Variants in COA5 observed in about 807,000 individuals in gnomAD.
COA5 encodes the protein protein C2orf64.
In COA5, 11 loss-of-function variants were observed where a neutral mutation model predicts 11.8. The ratio of observed to expected loss-of-function variants is 0.93; its 90% CI spans 0.59 to 1.54. The LOEUF is 1.54. Ranked by LOEUF, COA5 falls within the 40% of genes most tolerant of loss-of-function variation. The pLI is 0.00. For missense variants in COA5, 87 were observed against 89.2 expected, an observed-to-expected ratio of 0.97 and a Z score of 0.10; for synonymous variants, 38 against 37.5, an observed-to-expected ratio of 1.01 and a Z score of -0.05.
intron 2 of COA5, among the ~76,000 whole-genome samples, chr2:98,602,921 T>C (rs1435547638): frequency 1.3e-5 from 2 of 152,224 alleles, no homozygotes; most frequent in East Asian, 3.8e-4. Context: ...GTTTGCATTT[T>C]ACATGGGTAA....
intron 1 of COA5, 179 bp from the exon 2 acceptor site, chr2:98,604,370 T>C (rs1700683363): frequency 3.4e-6 from 2 of 591,892 alleles, no homozygotes; most frequent in South Asian, 2.0e-5. Context: ...AAAAAAAAAT[T>C]GTAAAGTAAC....
chr2:98,608,360 C>T lies in COA5; in HGVS notation c.46G>A (p.Gly16Ser). Reference sequence around the variant, plus strand: ...CACGCGCCCAGGTCCTCCTTCAGGCCCGCGCACGCGCCGCCCTGCGGCTTG... The same window carrying T: ...CACGCGCCCAGGTCCTCCTTCAGGCTCGCGCACGCGCCGCCCTGCGGCTTG... ...EDKPQGGACA[G>S]LKEDLGACLL... is the part of the protein sequence containing the mutation. Residue 16 changes from glycine to serine, a missense_variant, in exon 1 of 3, where the codon GGC (glycine) becomes AGC (serine). By Grantham distance (56) the Gly-to-Ser change is moderately conservative (BLOSUM62 0). Transcript: ENST00000328709. 1 of 1,609,930 alleles carries T rather than the reference C, an allele frequency of 6.2e-7. No homozygotes were observed. Among genetic ancestry groups the T allele is most frequent in the Non-Finnish European group, 8.5e-7 (1 of 1,178,926 alleles).
At chr2:98,604,577 G>T in intron 1 of COA5, 1 of 229,834 alleles carries the variant, frequency 4.4e-6, no homozygotes, top group Non-Finnish European at 8.7e-6. Context: ...TAACAAGGCA[G>T]GCTGGAATAC....
chr2:98,608,291 C>T lies in COA5; in HGVS notation c.99+16G>A. 1 of 1,569,920 alleles carries T rather than the reference C, an allele frequency of 6.4e-7. No homozygotes were observed. On this transcript the variant is annotated intron_variant, in intron 1 of 2. Transcript: ENST00000328709. Reference sequence around the variant, plus strand: ...GGACAGGGGTCGTCACCACCGGGAGCGCCCGGCCGCGCTACCTGGACCACA... The same window carrying T: ...GGACAGGGGTCGTCACCACCGGGAGTGCCCGGCCGCGCTACCTGGACCACA...
rs1445143220 is a variant in COA5, at chr2:98,600,465, T to C, written c.*287A>G. ...GAAGAGTCAAGTTTGCAAATAACAG[T>C]CTTTCCATTTTCTGTGCTTTAGAAC... On this transcript the variant is annotated 3_prime_UTR_variant, in exon 3 of 3. Coordinates refer to ENST00000328709, the MANE Select transcript of COA5 (RefSeq NM_001008215.3). The C allele has an allele frequency of 1.1e-5, 5 of 450,782 alleles. No individual in the cohort carries two copies. The highest frequency in any genetic ancestry group is 9.9e-5 in the African/African-American group (5 of 50,690). 27.9% of individuals were successfully genotyped at this position (450,782 alleles called of 1,614,324 possible).
chr2:98,599,458 T>TAC lies in COA5; in HGVS notation c.*1292_*1293dup, dbSNP rs1469555640. On this transcript the variant is annotated 3_prime_UTR_variant, in exon 3 of 3. Transcript: ENST00000328709. ...AAAAGTTAGATCACTTATATATATA[T>TAC]ACATTGAAAAAAACTATTATTGTCC... The TAC allele has an allele frequency of 6.6e-6, 1 of 152,156 alleles. No homozygotes were observed. The highest frequency in any genetic ancestry group is 2.4e-5 in the African/African-American group (1 of 41,448). The allele number at this position is 152,156 out of a possible 1,614,324, so 9.4% of individuals were successfully genotyped here.
chr2:98,607,616 A>G (rs1483587687), intron 1 of COA5, among the ~76,000 whole-genome samples: 3 of 152,190 alleles, frequency 2.0e-5, no homozygotes, highest in Admixed American at 2.0e-4. Context: ...GGGCCTCTGC[A>G]ATTGGAAAAG....
In COA5 at chr2:98,608,460, A is replaced by C. The variant is rs1700744762; in HGVS notation, c.-55T>G. ...ACTTTCTCCCACCGCAACACTTGCAACCGGGTCGGGAGCGAGCGAGGCCCC... is the reference window on the plus strand; with the variant it reads ...ACTTTCTCCCACCGCAACACTTGCACCCGGGTCGGGAGCGAGCGAGGCCCC... On this transcript the variant is annotated 5_prime_UTR_variant, in exon 1 of 3. Transcript: ENST00000328709. 2.2e-6 allele frequency: 3 copies of C among 1,374,602 alleles called. No individual in the cohort carries two copies. In the East Asian group the frequency reaches 7.4e-5, roughly 34 times the overall value. 85.2% of individuals were successfully genotyped at this position (1,374,602 alleles called of 1,614,324 possible). A position where few individuals can be genotyped will look rare whatever the true frequency, so the allele number is the denominator to read the frequency against.
chr2:98,608,391 A>C lies in COA5; in HGVS notation c.15T>G (p.Tyr5Ter), dbSNP rs745924754. 5 of 1,602,204 alleles carry C rather than the reference A, an allele frequency of 3.1e-6. No homozygotes were observed. Among genetic ancestry groups the C allele is most frequent in the Non-Finnish European group, 8.5e-7 (1 of 1,175,998 alleles). ...ACGCGCCGCCCTGCGGCTTGTCCTC[A>C]TAATACTTAGGCATGACGGCGCTTC... The part of the protein sequence containing the change: MPKY[Y>*]EDKPQGGACA... The change falls in exon 1 of 3, where the codon TAT (tyrosine) becomes TAG (stop). Residue 5 changes from tyrosine to a stop codon, truncating the protein, a stop_gained. Transcript: ENST00000328709. LOFTEE classifies it high-confidence loss of function.
In COA5 at chr2:98,600,237, A is replaced by T. The variant is rs1700623355; in HGVS notation, c.*515T>A. On this transcript the variant is annotated 3_prime_UTR_variant, in exon 3 of 3. Transcript: ENST00000328709. The stretch of plus-strand genomic sequence containing the variant: ...TGGACGCTATTAAAGTGCTGAGGTT[A>T]TTACTTCAGTGAATCAGAGCACAAA... 1 of 172,156 alleles carries T rather than the reference A, an allele frequency of 5.8e-6. No homozygotes were observed. The highest frequency in any genetic ancestry group is 1.3e-5 in the Non-Finnish European group (1 of 79,220). 10.7% of individuals were successfully genotyped at this position (172,156 alleles called of 1,614,324 possible).
At chr2:98,607,727 T>C (rs1214345834) in intron 1 of COA5, among the ~76,000 whole-genome samples, 2 of 152,204 alleles carry the variant, frequency 1.3e-5, no homozygotes, top group Admixed American at 6.5e-5. Context: ...GAGACCTGTG[T>C]CTGTAGCCGG....
intron 2 of COA5, 29 bp downstream of exon 2, chr2:98,604,079 T>C (rs754756699): frequency 1.0e-5 from 16 of 1,552,920 alleles, no homozygotes; most frequent in African/African-American, 6.8e-5. Flanking sequence ...ATTTTTAGCA[T>C]AGGCTTTTAA....
chr2:98,608,449 C>A lies in COA5; in HGVS notation c.-44G>T, dbSNP rs761766051. On this transcript the variant is annotated 5_prime_UTR_variant, in exon 1 of 3. Coordinates refer to ENST00000328709, the MANE Select transcript of COA5 (RefSeq NM_001008215.3). ...ATGCGGACGCGACTTTCTCCCACCGCAACACTTGCAACCGGGTCGGGAGCG... is the reference window on the plus strand; with the variant it reads ...ATGCGGACGCGACTTTCTCCCACCGAAACACTTGCAACCGGGTCGGGAGCG... 8 of 1,418,322 alleles carry A rather than the reference C, an allele frequency of 5.6e-6. No homozygotes were observed. The highest frequency in any genetic ancestry group is 1.9e-5 in the Admixed American group (1 of 51,962). 87.9% of individuals were successfully genotyped at this position (1,418,322 alleles called of 1,614,324 possible).
chr2:98,599,857 T>TACTC lies in COA5; in HGVS notation c.*891_*894dup, dbSNP rs1334793478. On this transcript the variant is annotated 3_prime_UTR_variant, in exon 3 of 3. Transcript: ENST00000328709. ...CCTTTCCTTTTGGGATTCAGCCCAC[T>TACTC]ACTCATCCATGTGATTCTGACAGGA... 6.6e-6 allele frequency: 1 copy of TACTC among 152,318 alleles called. No homozygotes were observed. The highest frequency in any genetic ancestry group is 2.4e-5 in the African/African-American group (1 of 41,472). The allele number at this position is 152,318 out of a possible 1,614,324, so 9.4% of individuals were successfully genotyped here.
chr2:98,603,043 C>T (rs1700663370), intron 2 of COA5, among the ~76,000 whole-genome samples: 1 of 152,220 alleles, frequency 6.6e-6, no homozygotes, highest in Non-Finnish European at 1.5e-5. Context: ...TCTAACTTTA[C>T]ACCCTCCCTG....
chr2:98,603,497 CAAAA>C (rs376778762), intron 2 of COA5, among the ~76,000 whole-genome samples: 1 of 146,918 alleles, frequency 6.8e-6, no homozygotes, highest in African/African-American at 2.5e-5. Context: ...AAACAAAAAA[CAAAA>C]AAAAAACATC....
intron 2 of COA5, among the ~76,000 whole-genome samples, chr2:98,601,582 G>C (rs906785064): frequency 2.6e-5 from 4 of 152,156 alleles, no homozygotes; most frequent in African/African-American, 9.7e-5. Flanking sequence ...TCTCAAGTCA[G>C]TTTGTAAGGC....
chr2:98,603,233 C>T (rs10176476), intron 2 of COA5, among the ~76,000 whole-genome samples: 45 of 152,272 alleles, frequency 3.0e-4, no homozygotes, highest in African/African-American at 9.4e-4. Flanking sequence ...AATCCCAGCA[C>T]TTTGGGAAGC....
rs959071452 is a variant in COA5 at position 98,599,495 on chromosome 2, A to G, written c.*1257T>C. Reference sequence around the variant, plus strand: ...AACTATTATTGTCCCTTTCCTGGTGAAAAGGAGTATACACAACAGACCTTT... The same window carrying G: ...AACTATTATTGTCCCTTTCCTGGTGGAAAGGAGTATACACAACAGACCTTT... On this transcript the variant is annotated 3_prime_UTR_variant, in exon 3 of 3. Transcript: ENST00000328709. 1.7e-4 allele frequency: 26 copies of G among 152,216 alleles called. No homozygotes were observed. The highest frequency in any genetic ancestry group is 6.3e-4 in the African/African-American group (26 of 41,454). The allele number at this position is 152,216 out of a possible 1,614,324, so 9.4% of individuals were successfully genotyped here.
Sources: gnomAD v4.1 joint callset for allele counts (sites outside exome capture counted in the v4.1 genomes callset) on GRCh38, gnomAD v4.1.1 for gene constraint, MANE v1.5 for transcripts, NCBI Gene and HGNC (gene_info 2026-07-23, HGNC 2026-07-21) for gene names.